Variants in PALS2 observed in about 807,000 individuals in gnomAD.
PALS2 encodes protein PALS2.
PALS2 carries 27 observed loss-of-function variants against 61.6 expected under a neutral mutation model. The observed-to-expected ratio is 0.44, with a 90% confidence interval of 0.32 to 0.60. PALS2 has a LOEUF of 0.60. PALS2 is among the 20% of genes least tolerant of loss of function. The pLI, the probability that PALS2 is intolerant of heterozygous loss-of-function variation, is 0.05. For synonymous variants in PALS2, 236 were observed against 218.6 expected, an observed-to-expected ratio of 1.08 and a Z score of -0.70; for missense variants, 554 against 639.4, an observed-to-expected ratio of 0.87 and a Z score of 1.44.
At chr7:24,676,567 G>A (rs988460128) in intron 9 of PALS2, among the ~76,000 whole-genome samples, 4 of 151,980 alleles carry the variant, frequency 2.6e-5, no homozygotes, top group African/African-American at 7.3e-5. Context: ...GTGTAAGGAA[G>A]GGATCCAGTT....
intron 5 of PALS2, among the ~76,000 whole-genome samples, chr7:24,651,002 G>A (rs1203543648): frequency 6.6e-6 from 1 of 152,044 alleles, no homozygotes; most frequent in African/African-American, 2.4e-5. Context: ...TACTAATCTA[G>A]TAAACATTTC....
At chr7:24,592,614 T>G (rs1390707512) in intron 1 of PALS2, among the ~76,000 whole-genome samples, 6 of 152,074 alleles carry the variant, frequency 3.9e-5, no homozygotes, top group Non-Finnish European at 8.8e-5. Context: ...ACCTCAGAGA[T>G]ATCACGGGTT....
chr7:24,647,038 C>A (rs1194805808), intron 3 of PALS2, among the ~76,000 whole-genome samples: 2 of 151,848 alleles, frequency 1.3e-5, no homozygotes, highest in African/African-American at 4.8e-5. Flanking sequence ...GCTCTCCTCT[C>A]TTTTCTTCTT....
intron 1 of PALS2, among the ~76,000 whole-genome samples, chr7:24,599,525 T>TG (rs4000763): frequency 7.0e-6 from 1 of 143,624 alleles, no homozygotes; most frequent in African/African-American, 2.6e-5. Context: ...TTTTTTTTTT[T>TG]ATGGAGTCTT....
intron 5 of PALS2, among the ~76,000 whole-genome samples, chr7:24,657,982 A>ATT (rs1786510377): frequency 6.6e-6 from 1 of 151,258 alleles, no homozygotes; most frequent in Non-Finnish European, 1.5e-5. Context: ...ATTTAGAAAA[A>ATT]CTTTGACAAT....
At chr7:24,610,646 C>T (rs1346039064) in intron 1 of PALS2, among the ~76,000 whole-genome samples, 1 of 152,014 alleles carries the variant, frequency 6.6e-6, no homozygotes, top group Non-Finnish European at 1.5e-5. Flanking sequence ...TGGTTATGGT[C>T]AAATCAGTAT....
chr7:24,672,615 T>C (rs560733078), intron 9 of PALS2, among the ~76,000 whole-genome samples: 1 of 152,222 alleles, frequency 6.6e-6, no homozygotes, highest in African/African-American at 2.4e-5. Context: ...GTACAAATAT[T>C]ATGCTGCTTT....
At chr7:24,613,740 T>C (rs530054311) in intron 1 of PALS2, among the ~76,000 whole-genome samples, 1 of 151,734 alleles carries the variant, frequency 6.6e-6, no homozygotes, top group Non-Finnish European at 1.5e-5. Context: ...TCCTACCCCT[T>C]CTTTCCCCCT....
chr7:24,575,624 T>G (rs926594446), intron 1 of PALS2, among the ~76,000 whole-genome samples: 1 of 152,246 alleles, frequency 6.6e-6, no homozygotes, highest in Non-Finnish European at 1.5e-5. Context: ...GCTTTACTAC[T>G]TAATAATGGA....
intron 1 of PALS2, among the ~76,000 whole-genome samples, chr7:24,591,483 T>C (rs766058642): frequency 6.6e-6 from 1 of 152,110 alleles, no homozygotes; most frequent in African/African-American, 2.4e-5. Flanking sequence ...CCAATGAGTA[T>C]TTATTAAATG....
chr7:24,692,963 T>G lies in PALS2; in HGVS notation c.*5349T>G, dbSNP rs1488267389. The G allele has an allele frequency of 6.6e-6, 1 of 152,288 alleles. No individual in the cohort carries two copies. Among genetic ancestry groups the G allele is most frequent in the South Asian group, 2.1e-4 (1 of 4,820 alleles). 9.4% of individuals were successfully genotyped at this position (152,288 alleles called of 1,614,324 possible). ...TCAAAATCCAGATATTAATCCACTT[T>G]AGTTATTACTTTGTAATTGCTTCTC... On this transcript the variant is annotated 3_prime_UTR_variant, in exon 12 of 12. Transcript: ENST00000222644.
At chr7:24,675,020 A>C (rs903936468) in intron 9 of PALS2, among the ~76,000 whole-genome samples, 2 of 152,196 alleles carry the variant, frequency 1.3e-5, no homozygotes, top group Non-Finnish European at 2.9e-5. Flanking sequence ...GTTGTAGTCA[A>C]ACCTTCATGT....
At chr7:24,639,971 C>T (rs755337870) in intron 2 of PALS2, among the ~76,000 whole-genome samples, 2 of 151,918 alleles carry the variant, frequency 1.3e-5, no homozygotes, top group Admixed American at 6.6e-5. Context: ...CGTCCACCAC[C>T]ATGCCTGCCT....
At chr7:24,624,152 T>G in intron 2 of PALS2, 2 of 1,275,212 alleles carry the variant, frequency 1.6e-6, no homozygotes, top group South Asian at 2.6e-5. Context: ...GTACCTACTT[T>G]TCATGTAAGT....
At chr7:24,595,349 A>T (rs185415856) in intron 1 of PALS2, among the ~76,000 whole-genome samples, 1,704 of 148,162 alleles carry the variant, frequency 0.012, 43 homozygotes, top group African/African-American at 0.04. Context: ...AGGAAATACA[A>T]ATCTGAAGCT....
chr7:24,590,106 G>A (rs1350625252), intron 1 of PALS2, among the ~76,000 whole-genome samples: 1 of 152,152 alleles, frequency 6.6e-6, no homozygotes, highest in Non-Finnish European at 1.5e-5. Context: ...CACACAGTAA[G>A]TATTGACTCT....
At position 24,623,751 on chromosome 7, in the gene PALS2, T is replaced by G; in HGVS notation, c.84T>G (p.Ile28Met). The G allele has an allele frequency of 6.3e-7, 1 of 1,599,402 alleles. No individual in the cohort carries two copies. The highest frequency in any genetic ancestry group is 8.6e-7 in the Non-Finnish European group (1 of 1,169,304). ...EEIDLIFLKG[I>M]MENPIVKSLA... ...TAGACCTAATTTTCCTCAAGGGAAT[T>G]ATGGAGAATCCTATTGTAAAATCAC... Residue 28 changes from isoleucine to methionine, a missense_variant, in exon 2 of 12, where the codon ATT (isoleucine) becomes ATG (methionine). Coordinates refer to ENST00000222644, the MANE Select transcript of PALS2 (RefSeq NM_001303037.2).
At chr7:24,643,286 T>C (rs139734877) in intron 3 of PALS2, among the ~76,000 whole-genome samples, 1,866 of 152,226 alleles carry the variant, frequency 0.012, 54 homozygotes, top group African/African-American at 0.042. Flanking sequence ...TTAATAAATA[T>C]ATAAGCACAT....
intron 5 of PALS2, among the ~76,000 whole-genome samples, chr7:24,661,331 G>GAA (rs577738040): frequency 0.017 from 2,412 of 142,400 alleles, 78 homozygotes; most frequent in African/African-American, 0.059. Flanking sequence ...TTTAATTAAT[G>GAA]AAAAAAAAAA....
Sources: allele counts gnomAD v4.1 joint callset (sites outside exome capture counted in the v4.1 genomes callset), GRCh38; gene constraint gnomAD v4.1.1; transcripts MANE v1.5; gene names NCBI Gene and HGNC (gene_info 2026-07-23, HGNC 2026-07-21).